DNM3: variants seen among roughly 807,000 people sequenced by gnomAD.
DNM3 encodes dynamin 3, also known as dynamin-3.
In DNM3, 47 loss-of-function variants were observed where a neutral mutation model predicts 101.6. That is an observed-to-expected ratio of 0.46 (90% CI 0.37 to 0.59). DNM3 has a LOEUF of 0.59. Ranked by LOEUF, DNM3 falls within the 20% of genes least tolerant of loss-of-function variation. The probability of loss-of-function intolerance (pLI) is 0.00; values close to 1 mark genes in which losing one functional copy is unlikely to be tolerated. For synonymous variants in DNM3, 385 were observed against 387.9 expected (o/e 0.99, Z 0.09); for missense variants, 849 against 1,085.7 (o/e 0.78, Z 3.06).
rs952132443 is a variant in DNM3 at position 172,093,855 on chromosome 1, C to T, written c.1545+980C>T. ...TTTTTTAAACTTAGGTTGTCTTGTC[C>T]GTAACACCCTATCATTGAAATAAAA... On this transcript the variant is annotated intron_variant, in intron 13 of 20. Coordinates refer to ENST00000627582, the MANE Select transcript of DNM3 (RefSeq NM_015569.5). The T allele has an allele frequency of 2.7e-5, 20 of 740,850 alleles. No individual in the cohort carries two copies. The South Asian group carries it at 3.3e-4, about 12-fold the overall frequency. The allele number at this position is 740,850 out of a possible 1,614,324, so 45.9% of individuals were successfully genotyped here.
intron 2 of DNM3, among the ~76,000 whole-genome samples, chr1:171,966,975 C>T (rs564863885): frequency 6.6e-6 from 1 of 152,122 alleles, no homozygotes; most frequent in Non-Finnish European, 1.5e-5. Context: ...TCGAATAGCT[C>T]CTATTGTTAT....
intron 1 of DNM3, among the ~76,000 whole-genome samples, chr1:171,917,017 C>T (rs750103400): frequency 7.9e-5 from 12 of 152,184 alleles, no homozygotes; most frequent in Non-Finnish European, 1.6e-4. Flanking sequence ...TATGTTGATA[C>T]TCTACCTTGG....
intron 13 of DNM3, among the ~76,000 whole-genome samples, chr1:172,123,600 C>G (rs2056445619): frequency 6.6e-6 from 1 of 152,156 alleles, no homozygotes; most frequent in Non-Finnish European, 1.5e-5. Flanking sequence ...GAGCATACAC[C>G]CTCTGTGGGC....
intron 20 of DNM3, among the ~76,000 whole-genome samples, chr1:172,418,121 C>T (rs1483112973): frequency 6.6e-6 from 1 of 152,170 alleles, no homozygotes. Flanking sequence ...ATTTCCTTTG[C>T]ATGTCTGCAT....
chr1:171,987,247 C>G (rs767700767), intron 2 of DNM3: 1 of 958,916 alleles, frequency 1.0e-6, no homozygotes. Context: ...ATTTATATAA[C>G]TTGGCATTCC....
At position 171,938,847 on chromosome 1, in the gene DNM3, G is replaced by A. The variant is rs1424640707; in HGVS notation, c.235+17026G>A. 3.9e-5 allele frequency among the ~76,000 whole-genome samples: 6 copies of A among 152,240 alleles called. No homozygotes were observed. The East Asian group carries it at 5.8e-4, about 15-fold the overall frequency. On this transcript the variant is annotated intron_variant, in intron 2 of 20. Transcript: ENST00000627582. ...TTGAGGGGAAAAAAAGGTAGTTGGTGCTATCTGGGACTGTCATTCAGACCT... is the reference window on the plus strand; with the variant it reads ...TTGAGGGGAAAAAAAGGTAGTTGGTACTATCTGGGACTGTCATTCAGACCT...
At chr1:172,300,289 C>G (rs1557955370) in intron 15 of DNM3, among the ~76,000 whole-genome samples, 1 of 151,948 alleles carries the variant, frequency 6.6e-6, no homozygotes, top group Non-Finnish European at 1.5e-5. Flanking sequence ...GGATATTAGA[C>G]CTTTGTTTGA....
chr1:172,036,324 A>C (rs190750893), intron 6 of DNM3, among the ~76,000 whole-genome samples: 7,211 of 151,698 alleles, frequency 0.048, 183 homozygotes, highest in African/African-American at 0.076. Flanking sequence ...GTCCCTACAA[A>C]GGACATGAAC....
intron 1 of DNM3, among the ~76,000 whole-genome samples, chr1:171,914,743 G>A (rs907971247): frequency 3.3e-5 from 5 of 152,204 alleles, no homozygotes; most frequent in African/African-American, 1.2e-4. Flanking sequence ...TGAATTAGAT[G>A]TAGGATTGTT....
chr1:172,281,089 G>A (rs2063473469), intron 15 of DNM3, among the ~76,000 whole-genome samples: 2 of 151,974 alleles, frequency 1.3e-5, no homozygotes, highest in Admixed American at 6.6e-5. Context: ...GTGTGTGTGT[G>A]TGTATGTGTG....
chr1:171,922,015 C>G (rs1444807915), intron 2 of DNM3, among the ~76,000 whole-genome samples, 194 bp downstream of exon 2: 1 of 152,030 alleles, frequency 6.6e-6, no homozygotes, highest in Non-Finnish European at 1.5e-5. Context: ...GGGATATTTT[C>G]ATAGATTTTT....
chr1:171,901,379 C>T lies in DNM3; in HGVS notation c.162-20369C>T, dbSNP rs576290273. Among the ~76,000 whole-genome samples, 35 of 152,138 alleles carry T rather than the reference C, an allele frequency of 2.3e-4. No homozygotes were observed. The South Asian group carries it at 7.3e-3, about 32-fold the overall frequency. ...GCAGCTGAGGTGGTGGAGCAAAGTT[C>T]CTCTAGATTACTCACCAGTGAACAA... On this transcript the variant is annotated intron_variant, in intron 1 of 20. Coordinates refer to ENST00000627582, the MANE Select transcript of DNM3 (RefSeq NM_015569.5).
chr1:172,274,739 T>TA (rs35149378), intron 15 of DNM3, among the ~76,000 whole-genome samples: 75,099 of 148,330 alleles, frequency 0.51, 19,923 homozygotes, highest in Non-Finnish European at 0.58. Flanking sequence ...TTTTTTTTTT[T>TA]AATTTTCAAT....
chr1:171,954,967 T>C (rs572760886), intron 2 of DNM3, among the ~76,000 whole-genome samples: 48 of 152,348 alleles, frequency 3.2e-4, no homozygotes, highest in African/African-American at 1.2e-3. Context: ...CAGCACAATT[T>C]GAAGGTAGAG....
At chr1:172,376,317 T>C (rs951147868) in intron 17 of DNM3, 8 of 152,130 alleles carry the variant, frequency 5.3e-5, no homozygotes, top group Non-Finnish European at 1.2e-4. Flanking sequence ...ACCATTCTTT[T>C]TTGCCTCAAA....
intron 4 of DNM3, among the ~76,000 whole-genome samples, chr1:172,016,067 A>G (rs2125726508): frequency 6.6e-6 from 1 of 151,954 alleles, no homozygotes; most frequent in East Asian, 1.9e-4. Context: ...GGTGCCTGTA[A>G]TCCCAGCTAC....
intron 15 of DNM3, among the ~76,000 whole-genome samples, chr1:172,262,014 A>G (rs1412520405): frequency 2.0e-5 from 3 of 152,198 alleles, no homozygotes; most frequent in African/African-American, 7.2e-5. Flanking sequence ...CAGACCCCTC[A>G]GTGGTACTGG....
At chr1:172,099,082 G>A (rs2054453254) in intron 13 of DNM3, among the ~76,000 whole-genome samples, 1 of 152,174 alleles carries the variant, frequency 6.6e-6, no homozygotes, top group African/African-American at 2.4e-5. Context: ...TTCTAGGGAG[G>A]CAGCATGGAA....
chr1:172,326,236 T>C (rs2065931200), intron 17 of DNM3, among the ~76,000 whole-genome samples: 1 of 112,216 alleles, frequency 8.9e-6, no homozygotes, highest in Non-Finnish European at 1.9e-5. Flanking sequence ...AGATCACAGT[T>C]GCTCAGGAAA....
Sources: gnomAD v4.1 joint callset for allele counts (sites outside exome capture counted in the v4.1 genomes callset) on GRCh38, gnomAD v4.1.1 for gene constraint, MANE v1.5 for transcripts, NCBI Gene and HGNC (gene_info 2026-07-23, HGNC 2026-07-21) for gene names.